The following CNTNAP2 variants were observed in gnomAD, a reference collection of about 807,000 sequenced individuals.
The protein encoded by CNTNAP2 is contactin-associated protein-like 2.
A neutral mutation model predicts 155.2 loss-of-function variants in CNTNAP2; 98 were observed. That is an observed-to-expected ratio of 0.63 (90% CI 0.54 to 0.75). The LOEUF (loss-of-function observed/expected upper bound fraction) is 0.75, where lower values mean the gene tolerates loss of function less well. CNTNAP2 is among the 30% of genes least tolerant of loss of function. CNTNAP2 has a pLI of 0.00. For synonymous variants in CNTNAP2, 651 were observed against 631.2 expected (o/e 1.03, Z -0.47); for missense variants, 1,727 against 1,688.1 (o/e 1.02, Z -0.40).
chr7:147,955,736 G>C (rs1161553136), intron 14 of CNTNAP2, among the ~76,000 whole-genome samples: 1 of 152,110 alleles, frequency 6.6e-6, no homozygotes, highest in Non-Finnish European at 1.5e-5. Flanking sequence ...TCCTGTTGTA[G>C]GTCAAGGTAT....
intron 13 of CNTNAP2, among the ~76,000 whole-genome samples, chr7:147,723,068 G>A (rs1796588568): frequency 6.6e-6 from 1 of 152,002 alleles, no homozygotes; most frequent in Non-Finnish European, 1.5e-5. Flanking sequence ...CTTAGGGCTT[G>A]AGAAATGAAG....
intron 20 of CNTNAP2, among the ~76,000 whole-genome samples, chr7:148,251,525 G>A (rs879756591): frequency 7.9e-5 from 12 of 152,156 alleles, no homozygotes; most frequent in Non-Finnish European, 1.3e-4. Flanking sequence ...GGCCACAAAG[G>A]TGAACTCAAT....
chr7:146,967,791 T>A lies in CNTNAP2; in HGVS notation c.403-76116T>A, dbSNP rs887428166. ...TTAACTTCCTCTTTTCCTAATTGAATACCCTTTATTTCCTTCTCCTGCCTA... is the reference window on the plus strand; with the variant it reads ...TTAACTTCCTCTTTTCCTAATTGAAAACCCTTTATTTCCTTCTCCTGCCTA... On this transcript the variant is annotated intron_variant, in intron 3 of 23. Transcript: ENST00000361727. 3.3e-4 allele frequency among the ~76,000 whole-genome samples: 50 copies of A among 152,228 alleles called. No homozygotes were observed. The East Asian group carries it at 9.1e-3, about 28-fold the overall frequency.
chr7:147,953,716 T>C (rs1417650810), intron 14 of CNTNAP2, among the ~76,000 whole-genome samples: 4 of 152,012 alleles, frequency 2.6e-5, no homozygotes, highest in African/African-American at 9.7e-5. Flanking sequence ...AAGCCTGAAA[T>C]CAAGGTATCA....
chr7:146,277,158 C>G (rs1481839993), intron 1 of CNTNAP2, among the ~76,000 whole-genome samples: 1 of 152,078 alleles, frequency 6.6e-6, no homozygotes, highest in Non-Finnish European at 1.5e-5. Context: ...AGGCCTGGAG[C>G]AACCAGAGGC....
chr7:146,249,817 AG>A (rs1799727382), intron 1 of CNTNAP2, among the ~76,000 whole-genome samples: 1 of 152,182 alleles, frequency 6.6e-6, no homozygotes, highest in Admixed American at 6.5e-5. Context: ...GCCGTTCATT[AG>A]ATTAGAAATG....
At chr7:146,736,763 T>A (rs1801627665) in intron 1 of CNTNAP2, among the ~76,000 whole-genome samples, 1 of 152,126 alleles carries the variant, frequency 6.6e-6, no homozygotes, top group Admixed American at 6.5e-5. Flanking sequence ...TCTGAAGAAA[T>A]AAAGGATTAA....
chr7:146,670,490 T>A (rs1800283541), intron 1 of CNTNAP2, among the ~76,000 whole-genome samples: 1 of 152,162 alleles, frequency 6.6e-6, no homozygotes, highest in African/African-American at 2.4e-5. Flanking sequence ...AGTTTTAAAA[T>A]TCTGCCCTGT....
intron 13 of CNTNAP2, 32 bp downstream of exon 13, chr7:147,639,338 A>G: frequency 6.3e-7 from 1 of 1,599,396 alleles, no homozygotes; most frequent in Non-Finnish European, 8.6e-7. Context: ...ACTTTTAATC[A>G]CTATCTCAGC....
At chr7:147,943,500 G>A (rs1037576617) in intron 14 of CNTNAP2, among the ~76,000 whole-genome samples, 4 of 151,936 alleles carry the variant, frequency 2.6e-5, no homozygotes, top group African/African-American at 9.7e-5. Flanking sequence ...GGGCGAAGTC[G>A]CTCACGCTTG....
chr7:146,791,172 T>C (rs1378114875), intron 2 of CNTNAP2, among the ~76,000 whole-genome samples: 1 of 151,960 alleles, frequency 6.6e-6, no homozygotes, highest in Non-Finnish European at 1.5e-5. Context: ...CTCCCACTTA[T>C]GGGTGACAAC....
At chr7:146,824,155 T>C (rs1032366626) in intron 2 of CNTNAP2, among the ~76,000 whole-genome samples, 6 of 152,076 alleles carry the variant, frequency 3.9e-5, no homozygotes, top group Non-Finnish European at 5.9e-5. Flanking sequence ...TCTGTTCCTG[T>C]GTTAGTTTGC....
At chr7:146,533,915 A>G (rs188827625) in intron 1 of CNTNAP2, among the ~76,000 whole-genome samples, 22 of 152,282 alleles carry the variant, frequency 1.4e-4, no homozygotes, top group Admixed American at 1.1e-3. Context: ...GTTATTGGCA[A>G]TAACATAAGA....
At chr7:146,980,625 G>T (rs1244409575) in intron 3 of CNTNAP2, among the ~76,000 whole-genome samples, 1 of 152,164 alleles carries the variant, frequency 6.6e-6, no homozygotes, top group Non-Finnish European at 1.5e-5. Flanking sequence ...GGCAGAAGGG[G>T]AAGGAGAAAC....
intron 13 of CNTNAP2, among the ~76,000 whole-genome samples, chr7:147,765,180 C>G (rs1280202174): frequency 2.0e-5 from 3 of 152,160 alleles, no homozygotes; most frequent in Non-Finnish European, 4.4e-5. Flanking sequence ...TGAAACAAAA[C>G]ATTCAACACC....
intron 13 of CNTNAP2, among the ~76,000 whole-genome samples, chr7:147,796,329 AGG>A (rs1480093804): frequency 1.3e-5 from 2 of 152,208 alleles, no homozygotes. Flanking sequence ...TTAAAATGAA[AGG>A]GAGAATAAAC....
chr7:146,510,990 G>C (rs962167896), intron 1 of CNTNAP2, among the ~76,000 whole-genome samples: 2 of 151,936 alleles, frequency 1.3e-5, no homozygotes, highest in African/African-American at 4.8e-5. Flanking sequence ...TCCACCTCCC[G>C]GGTTCACACC....
At chr7:146,840,151 G>A (rs556486504) in intron 3 of CNTNAP2, among the ~76,000 whole-genome samples, 2 of 152,288 alleles carry the variant, frequency 1.3e-5, no homozygotes, top group East Asian at 1.9e-4. Context: ...GCACGTAGAT[G>A]AAAGGCAAAC....
chr7:146,336,574 A>G (rs994481615), intron 1 of CNTNAP2, among the ~76,000 whole-genome samples: 3 of 152,172 alleles, frequency 2.0e-5, no homozygotes, highest in African/African-American at 7.2e-5. Context: ...CTTTATCAAA[A>G]CTAAAAATAT....
Sources: gnomAD v4.1 joint callset for allele counts (sites outside exome capture counted in the v4.1 genomes callset) on GRCh38, gnomAD v4.1.1 for gene constraint, MANE v1.5 for transcripts, NCBI Gene and HGNC (gene_info 2026-07-23, HGNC 2026-07-21) for gene names.